The following VEGFC variants were observed in gnomAD, a reference collection of about 807,000 sequenced individuals.
VEGFC encodes the protein vascular endothelial growth factor C.
VEGFC carries 12 observed loss-of-function variants against 46.1 expected under a neutral mutation model. The ratio of observed to expected loss-of-function variants is 0.26; its 90% CI spans 0.17 to 0.42. The LOEUF is 0.42. Among genes scored for constraint, VEGFC ranks in the 10% least tolerant of loss-of-function variants. VEGFC has a pLI of 1.00. For synonymous variants in VEGFC, 232 were observed against 195.5 expected (o/e 1.19, Z -1.56); for missense variants, 488 against 529.4 (o/e 0.92, Z 0.77).
intron 1 of VEGFC, among the ~76,000 whole-genome samples, chr4:176,743,153 T>C (rs1182168454): frequency 1.3e-5 from 2 of 152,072 alleles, no homozygotes; most frequent in African/African-American, 4.8e-5. Flanking sequence ...AACACCTGTA[T>C]TGAGCAGTGC....
At chr4:176,776,091 G>C (rs1394982884) in intron 1 of VEGFC, among the ~76,000 whole-genome samples, 1 of 152,194 alleles carries the variant, frequency 6.6e-6, no homozygotes, top group Non-Finnish European at 1.5e-5. Flanking sequence ...AATAAATTAA[G>C]ATCATGATAG....
rs535977973 is a variant in VEGFC, at chr4:176,701,266, T to A, written c.704+10233A>T. Among the ~76,000 whole-genome samples the A allele has an allele frequency of 5.9e-5, 9 of 152,218 alleles. 1 individual carries two copies. The South Asian group carries it at 1.9e-3, about 32-fold the overall frequency. ...ACCTAAAATGGTTAAAAAATGTATA[T>A]TAAATTTTAGAAAACAACTGGTAAA... On this transcript the variant is annotated intron_variant, in intron 4 of 6. Transcript: ENST00000618562.
chr4:176,687,307 A>G lies in VEGFC; in HGVS notation c.1025T>C (p.Val342Ala). Residue 342 changes from valine (V) to alanine (A), a missense_variant, in exon 6 of 7, where the codon GTA becomes GCA. Val to Ala is a moderately conservative substitution (Grantham distance 64, BLOSUM62 0). Coordinates refer to ENST00000618562, the MANE Select transcript of VEGFC (RefSeq NM_005429.5). ...REFDENTCQC[V>A]CKRTCPRNQP... ...ATTTCTGGGGCAGGTTCTTTTACAT[A>G]CACACTGGCATGTGTTTTCATCAAA... is the stretch of plus-strand genomic sequence containing the variant. The G allele has an allele frequency of 6.2e-7, 1 of 1,613,946 alleles. No individual in the cohort carries two copies. Among genetic ancestry groups the G allele is most frequent in the Non-Finnish European group, 8.5e-7 (1 of 1,179,958 alleles).
intron 1 of VEGFC, among the ~76,000 whole-genome samples, chr4:176,777,248 C>T (rs943353584): frequency 4.6e-5 from 7 of 152,134 alleles, no homozygotes; most frequent in East Asian, 3.9e-4. Flanking sequence ...ACCCAGGAGG[C>T]GGAGCTTGCA....
chr4:176,687,137 G>C (rs764434642), intron 6 of VEGFC, 50 bp downstream of exon 6: 54 of 1,549,710 alleles, frequency 3.5e-5, no homozygotes, highest in Middle Eastern at 1.7e-4. Context: ...TTTTGGTTTA[G>C]AGCATATTTC....
At chr4:176,783,219 G>A (rs1303645321) in intron 1 of VEGFC, among the ~76,000 whole-genome samples, 2 of 152,192 alleles carry the variant, frequency 1.3e-5, no homozygotes, top group Admixed American at 6.5e-5. Flanking sequence ...GACAGCACAC[G>A]CTGTACTAGT....
chr4:176,708,195 T>C (rs992235798), intron 4 of VEGFC, among the ~76,000 whole-genome samples: 4 of 151,716 alleles, frequency 2.6e-5, no homozygotes, highest in African/African-American at 9.6e-5. Flanking sequence ...TAAATTATTA[T>C]ATTTGTATTA....
chr4:176,694,777 A>C (rs1029988016), intron 4 of VEGFC, among the ~76,000 whole-genome samples: 10 of 142,316 alleles, frequency 7.0e-5, no homozygotes, highest in Non-Finnish European at 1.2e-4. Flanking sequence ...ATAACAAACT[A>C]TCTCTCAGAC....
At chr4:176,791,512 G>GT in intron 1 of VEGFC, among the ~76,000 whole-genome samples, 1 of 103,650 alleles carries the variant, frequency 9.6e-6, no homozygotes, top group South Asian at 4.7e-4. Context: ...TTAGTTTGCA[G>GT]TATCTCATGA....
chr4:176,723,870 GT>G (rs1734831561), intron 3 of VEGFC, among the ~76,000 whole-genome samples: 2 of 144,138 alleles, frequency 1.4e-5, no homozygotes, highest in South Asian at 2.2e-4. Flanking sequence ...CCATGTGCAG[GT>G]TTGTTACATA....
chr4:176,687,973 T>C, intron 4 of VEGFC, 46 bp from the exon 5 acceptor site: 1 of 1,104,870 alleles, frequency 9.1e-7, no homozygotes, highest in East Asian at 2.4e-5. Context: ...AACTGGTACC[T>C]AGAAGGGACC....
intron 4 of VEGFC, among the ~76,000 whole-genome samples, chr4:176,701,067 C>T (rs1447097861): frequency 5.9e-5 from 9 of 151,904 alleles, no homozygotes; most frequent in African/African-American, 2.2e-4. Context: ...GAACTTACAC[C>T]CAAAAAAGAG....
chr4:176,687,199 T>C lies in VEGFC; in HGVS notation c.1133A>G (p.His378Arg), dbSNP rs1205330213. The stretch of plus-strand genomic sequence containing the variant: ...GAGGATCTCTTACCTGCATGTTTGG[T>C]GGTGGAACTTCTTTCCTTTTAACAA... ...KCLLKGKKFH[H>R]QTCSCYRRPC... The change falls in exon 6 of 7, where the codon CAC (histidine) becomes CGC (arginine). Residue 378 changes from histidine to arginine, a missense_variant. Transcript: ENST00000618562. The C allele has an allele frequency of 1.9e-6, 3 of 1,611,540 alleles. No individual in the cohort carries two copies. The highest frequency in any genetic ancestry group is 8.5e-7 in the Non-Finnish European group (1 of 1,179,078).
chr4:176,788,209 C>A (rs1216360450), intron 1 of VEGFC, among the ~76,000 whole-genome samples: 1 of 152,170 alleles, frequency 6.6e-6, no homozygotes, highest in East Asian at 1.9e-4. Flanking sequence ...GTTAAGCAGT[C>A]GTTCTTATAA....
At chr4:176,691,742 C>A (rs1734183314) in intron 4 of VEGFC, among the ~76,000 whole-genome samples, 1 of 152,202 alleles carries the variant, frequency 6.6e-6, no homozygotes, top group Admixed American at 6.5e-5. Context: ...CAAATACGTT[C>A]TGTTACATTA....
At chr4:176,725,931 A>G (rs1734867844) in intron 3 of VEGFC, among the ~76,000 whole-genome samples, 1 of 152,140 alleles carries the variant, frequency 6.6e-6, no homozygotes, top group African/African-American at 2.4e-5. Context: ...TTTATTTTAA[A>G]GTATGCAGTT....
chr4:176,790,995 T>C (rs1441853757), intron 1 of VEGFC, among the ~76,000 whole-genome samples: 3 of 152,222 alleles, frequency 2.0e-5, no homozygotes, highest in South Asian at 4.1e-4. Flanking sequence ...AACATTTTAA[T>C]GTTTTCCCAA....
At chr4:176,714,667 C>T (rs1734668860) in intron 3 of VEGFC, among the ~76,000 whole-genome samples, 1 of 152,166 alleles carries the variant, frequency 6.6e-6, no homozygotes, top group South Asian at 2.1e-4. Context: ...CATTCCTGCT[C>T]CCACTGATGG....
chr4:176,696,405 T>C (rs1238924125), intron 4 of VEGFC, among the ~76,000 whole-genome samples: 3 of 146,432 alleles, frequency 2.0e-5, no homozygotes, highest in Non-Finnish European at 4.5e-5. Context: ...GAGAATAAAA[T>C]ACCTAGGAAT....
Sources: allele counts gnomAD v4.1 joint callset (sites outside exome capture counted in the v4.1 genomes callset), GRCh38; gene constraint gnomAD v4.1.1; transcripts MANE v1.5; gene names NCBI Gene and HGNC (gene_info 2026-07-23, HGNC 2026-07-21).